The following RGS7 variants were observed in gnomAD, a reference collection of about 807,000 sequenced individuals.
RGS7 encodes regulator of G-protein signaling 7.
RGS7 carries 27 observed loss-of-function variants against 81.1 expected under a neutral mutation model. That is an observed-to-expected ratio of 0.33 (90% confidence interval 0.25 to 0.46). The LOEUF is 0.46. RGS7 is among the 20% of genes least tolerant of loss of function. The probability of loss-of-function intolerance (pLI) is 1.00; values close to 1 mark genes in which losing one functional copy is unlikely to be tolerated. For synonymous variants in RGS7, 208 were observed against 207.7 expected (o/e 1.00, Z -0.01); for missense variants, 396 against 607.4 (o/e 0.65, Z 3.66).
intron 2 of RGS7, among the ~76,000 whole-genome samples, chr1:241,297,524 C>T (rs2079499059): frequency 6.6e-6 from 1 of 152,196 alleles, no homozygotes; most frequent in African/African-American, 2.4e-5. Context: ...CTACAAATTT[C>T]ATTTCAGAAA....
At chr1:241,108,060 C>T (rs1183049152) in intron 2 of RGS7, among the ~76,000 whole-genome samples, 4 of 151,926 alleles carry the variant, frequency 2.6e-5, no homozygotes, top group Admixed American at 6.6e-5. Flanking sequence ...TTTGGGATGC[C>T]GAGGCGGGTG....
At position 241,024,616 on chromosome 1, in the gene RGS7, T is replaced by C. The variant is rs79695350; in HGVS notation, c.176-41487A>G. On this transcript the variant is annotated intron_variant, in intron 3 of 18. Coordinates refer to ENST00000440928, the MANE Select transcript of RGS7 (RefSeq NM_001364886.1). ...CAATCAAATCAAATATAAATGTCAT[T>C]AAATAGACTTAAGGACGCCGAATGG... Among the ~76,000 whole-genome samples the C allele has an allele frequency of 7.2e-5, 11 of 152,280 alleles. No individual in the cohort carries two copies. In the East Asian group the frequency reaches 2.1e-3, roughly 29 times the overall value.
intron 2 of RGS7, among the ~76,000 whole-genome samples, chr1:241,124,445 T>C (rs2066510272): frequency 6.6e-6 from 1 of 152,080 alleles, no homozygotes; most frequent in Non-Finnish European, 1.5e-5. Context: ...TGCATTTTTG[T>C]TTTCTTCTAT....
intron 3 of RGS7, among the ~76,000 whole-genome samples, chr1:241,069,334 C>T (rs2062288291): frequency 6.6e-6 from 1 of 152,058 alleles, no homozygotes; most frequent in South Asian, 2.1e-4. Context: ...CTGACACATC[C>T]CGAATTTAAA....
chr1:241,233,439 T>G (rs563640309), intron 2 of RGS7, among the ~76,000 whole-genome samples: 99 of 152,344 alleles, frequency 6.5e-4, no homozygotes, highest in Non-Finnish European at 1.1e-3. Flanking sequence ...CTTCATGAGA[T>G]CCACTCGCTA....
intron 3 of RGS7, among the ~76,000 whole-genome samples, chr1:241,007,221 T>G (rs2058725136): frequency 6.6e-6 from 1 of 152,136 alleles, no homozygotes; most frequent in Non-Finnish European, 1.5e-5. Flanking sequence ...CCAGCCTTCT[T>G]TCTTTAGATT....
intron 4 of RGS7, among the ~76,000 whole-genome samples, chr1:240,970,291 C>G (rs6675601): frequency 6.6e-6 from 1 of 152,030 alleles, no homozygotes; most frequent in Non-Finnish European, 1.5e-5. Flanking sequence ...GGGGGAAATA[C>G]CCCCTACTTT....
At chr1:240,890,984 T>C (rs1668201504) in intron 6 of RGS7, among the ~76,000 whole-genome samples, 1 of 152,186 alleles carries the variant, frequency 6.6e-6, no homozygotes, top group South Asian at 2.1e-4. Context: ...GCCTACGATA[T>C]TCTTGAGAGT....
chr1:241,192,455 G>A (rs1334444703), intron 2 of RGS7, among the ~76,000 whole-genome samples: 7 of 151,970 alleles, frequency 4.6e-5, no homozygotes, highest in Admixed American at 2.0e-4. Flanking sequence ...AGTCCTTTAT[G>A]TATATTTTAT....
intron 6 of RGS7, among the ~76,000 whole-genome samples, chr1:240,926,924 G>T (rs1029058211): frequency 4.6e-5 from 7 of 152,254 alleles, no homozygotes; most frequent in Non-Finnish European, 7.4e-5. Context: ...ATAAAACCAA[G>T]ATAATTATGA....
chr1:241,112,822 A>T (rs1437192632), intron 2 of RGS7, among the ~76,000 whole-genome samples: 1 of 152,174 alleles, frequency 6.6e-6, no homozygotes, highest in African/African-American at 2.4e-5. Flanking sequence ...GATGGATTTT[A>T]TTTTTCAGAA....
At chr1:241,280,919 T>C (rs1475369642) in intron 2 of RGS7, among the ~76,000 whole-genome samples, 1 of 152,262 alleles carries the variant, frequency 6.6e-6, no homozygotes, top group Non-Finnish European at 1.5e-5. Flanking sequence ...TACAGCTGAC[T>C]CTTGAAACAC....
At chr1:241,314,628 A>G (rs144542125) in intron 2 of RGS7, among the ~76,000 whole-genome samples, 1 of 152,352 alleles carries the variant, frequency 6.6e-6, no homozygotes, top group African/African-American at 2.4e-5. Context: ...TAAATTATAT[A>G]TAATGTTAGA....
At chr1:241,307,295 T>C (rs2080236127) in intron 2 of RGS7, among the ~76,000 whole-genome samples, 1 of 152,202 alleles carries the variant, frequency 6.6e-6, no homozygotes, top group South Asian at 2.1e-4. Flanking sequence ...ACTAAATTCA[T>C]GCGCCTATTA....
intron 3 of RGS7, among the ~76,000 whole-genome samples, chr1:241,035,350 C>A (rs1482342833): frequency 6.2e-5 from 5 of 80,730 alleles, no homozygotes. Flanking sequence ...ATATAAACAG[C>A]ATAAGGAAGT....
chr1:241,215,552 T>C (rs940570160), intron 2 of RGS7, among the ~76,000 whole-genome samples: 1 of 152,188 alleles, frequency 6.6e-6, no homozygotes, highest in Non-Finnish European at 1.5e-5. Context: ...GTCTCTCTCT[T>C]TTCTAGTATT....
intron 3 of RGS7, among the ~76,000 whole-genome samples, chr1:241,086,951 C>T (rs1283908877): frequency 6.6e-6 from 1 of 152,206 alleles, no homozygotes; most frequent in Non-Finnish European, 1.5e-5. Context: ...CCAAGAAAAG[C>T]CTCTGACCCC....
intron 2 of RGS7, among the ~76,000 whole-genome samples, chr1:241,138,876 C>A (rs2067715182): frequency 6.6e-6 from 1 of 151,918 alleles, no homozygotes; most frequent in Admixed American, 6.6e-5. Flanking sequence ...AACAAACGCA[C>A]CAGGCATTAA....
intron 5 of RGS7, among the ~76,000 whole-genome samples, chr1:240,935,764 T>C (rs961543751): frequency 1.6e-4 from 25 of 152,250 alleles, no homozygotes; most frequent in Admixed American, 1.2e-3. Context: ...CATAGAGCAT[T>C]TAATAATACT....
Sources: allele counts gnomAD v4.1 joint callset (sites outside exome capture counted in the v4.1 genomes callset), GRCh38; gene constraint gnomAD v4.1.1; transcripts MANE v1.5; gene names NCBI Gene and HGNC (gene_info 2026-07-23, HGNC 2026-07-21).